The following POLN variants were observed in gnomAD, a reference collection of about 807,000 sequenced individuals.
POLN encodes DNA polymerase nu, also known as DNA polymerase N.
POLN carries 108 observed loss-of-function variants against 113.5 expected under a neutral mutation model. The observed-to-expected ratio is 0.95, with a 90% CI of 0.81 to 1.12. POLN has a LOEUF of 1.12. Among genes scored for constraint, POLN ranks in the 50% most tolerant of loss-of-function variants. The pLI, the probability that POLN is intolerant of heterozygous loss-of-function variation, is 0.00. For synonymous variants in POLN, 386 were observed against 391.5 expected, an observed-to-expected ratio of 0.99 and a Z score of 0.17; for missense variants, 1,097 against 1,077.1, an observed-to-expected ratio of 1.02 and a Z score of -0.26.
intron 3 of POLN, among the ~76,000 whole-genome samples, chr4:2,218,223 G>A (rs1034576334): frequency 6.6e-6 from 1 of 150,804 alleles, no homozygotes; most frequent in Non-Finnish European, 1.5e-5. Context: ...TCTAAGGTCG[G>A]GAGTTCGAGA....
At chr4:2,220,565 C>T (rs61792600) in intron 3 of POLN, among the ~76,000 whole-genome samples, 12,593 of 152,262 alleles carry the variant, frequency 0.083, 779 homozygotes, top group African/African-American at 0.16. Flanking sequence ...GGGGAGAGAC[C>T]CTGCTAAATT....
intron 17 of POLN, among the ~76,000 whole-genome samples, chr4:2,130,931 CT>C (rs1333662114): frequency 6.6e-6 from 1 of 152,190 alleles, no homozygotes; most frequent in Non-Finnish European, 1.5e-5. Flanking sequence ...AATCCCAGCA[CT>C]TTGGGAGGCC....
At chr4:2,132,071 C>G (rs1330313287) in intron 16 of POLN, among the ~76,000 whole-genome samples, 1 of 152,140 alleles carries the variant, frequency 6.6e-6, no homozygotes, top group African/African-American at 2.4e-5. Flanking sequence ...TTAGTTCCCC[C>G]TAGAAGCCCT....
intron 16 of POLN, among the ~76,000 whole-genome samples, chr4:2,133,749 C>T (rs569901832): frequency 6.6e-6 from 1 of 152,226 alleles, no homozygotes; most frequent in South Asian, 2.1e-4. Context: ...TCCCCCTGCC[C>T]CCCAACAACT....
At chr4:2,239,900 C>A in intron 2 of POLN, 2 of 678,712 alleles carry the variant, frequency 2.9e-6, no homozygotes, top group Non-Finnish European at 5.0e-6. Context: ...ACACAGATCA[C>A]AAATAAGCAC....
At chr4:2,146,086 T>C (rs1194004391) in intron 16 of POLN, among the ~76,000 whole-genome samples, 1 of 151,724 alleles carries the variant, frequency 6.6e-6, no homozygotes, top group Non-Finnish European at 1.5e-5. Flanking sequence ...TATATATATT[T>C]AAGAAAATAT....
At chr4:2,142,439 T>C (rs1448400576) in intron 16 of POLN, among the ~76,000 whole-genome samples, 1 of 152,232 alleles carries the variant, frequency 6.6e-6, no homozygotes, top group Non-Finnish European at 1.5e-5. Flanking sequence ...ATAAGGAGAC[T>C]TCTGCTTCCA....
chr4:2,074,361 G>A (rs749731744), intron 24 of POLN, among the ~76,000 whole-genome samples: 3 of 152,196 alleles, frequency 2.0e-5, no homozygotes, highest in African/African-American at 7.2e-5. Context: ...CTGGCCCCGA[G>A]TGCTCCTGAG....
rs145848257 is a variant in POLN at position 2,159,157 on chromosome 4, G to C, written c.1609C>G (p.Gln537Glu). ...TACGTACAAAAAAATTAACTTACCT[G>C]CCTGTATTCCAAAATTATCTTGGGT... is the stretch of plus-strand genomic sequence containing the variant. ...PLPKIILEYR[Q>E]VHKIKSTFVD... The change falls in exon 14 of 26, where the codon CAG becomes GAG. Residue 537 changes from glutamine to glutamate, a missense_variant and splice_region_variant. Coordinates refer to ENST00000511885, the MANE Select transcript of POLN (RefSeq NM_181808.4). 6.2e-7 allele frequency: 1 copy of C among 1,603,956 alleles called. No homozygotes were observed. Among genetic ancestry groups the C allele is most frequent in the Non-Finnish European group, 8.5e-7 (1 of 1,171,386 alleles).
intron 3 of POLN, among the ~76,000 whole-genome samples, chr4:2,215,628 G>C (rs938912613): frequency 1.3e-5 from 2 of 152,198 alleles, no homozygotes; most frequent in African/African-American, 4.8e-5. Context: ...GGCAATCAGG[G>C]AGGGGCTGTC....
intron 21 of POLN, among the ~76,000 whole-genome samples, chr4:2,084,607 G>T (rs1386910382): frequency 1.3e-5 from 2 of 152,266 alleles, no homozygotes; most frequent in Non-Finnish European, 2.9e-5. Flanking sequence ...GCCTGTAGCA[G>T]GGCTGCCTGG....
Position 2,174,059 on chromosome 4 carries a change from T to C in POLN, c.1310-40A>G, listed in dbSNP as rs759656289. ...CCAAACCAGATCATATTTGCATTAA[T>C]GTATTCTTTTTACTAAAGACTAAAA... On this transcript the variant is annotated intron_variant, in intron 10 of 25. Coordinates refer to ENST00000511885, the MANE Select transcript of POLN (RefSeq NM_181808.4). The C allele has an allele frequency of 3.1e-6, 5 of 1,596,562 alleles. No homozygotes were observed. The East Asian group carries it at 1.1e-4, about 36-fold the overall frequency.
chr4:2,098,009 C>T (rs1372545113), intron 19 of POLN, among the ~76,000 whole-genome samples: 1 of 152,186 alleles, frequency 6.6e-6, no homozygotes, highest in African/African-American at 2.4e-5. Context: ...TTCTAAGTAC[C>T]AATGCATTTC....
rs1734478364 is a variant in POLN at position 2,228,933 on chromosome 4, G to A, written c.133+166C>T. On this transcript the variant is annotated intron_variant, in intron 3 of 25. Transcript: ENST00000511885. ...ATTTTTAAAGCAATGAAGGTTAAGG[G>A]AACACGAAAGTTAGCAAGCAGAAGC... 2.8e-5 allele frequency: 15 copies of A among 534,280 alleles called. No individual in the cohort carries two copies. In the East Asian group the frequency reaches 4.7e-4, roughly 17 times the overall value. The allele number at this position is 534,280 out of a possible 1,614,324, so 33.1% of individuals were successfully genotyped here.
chr4:2,158,690 G>C (rs571138750), intron 14 of POLN, among the ~76,000 whole-genome samples: 1 of 152,210 alleles, frequency 6.6e-6, no homozygotes, highest in Non-Finnish European at 1.5e-5. Flanking sequence ...GGAAGGAAAT[G>C]GCAGGTGTGT....
At chr4:2,092,476 C>G (rs1021468741) in intron 20 of POLN, among the ~76,000 whole-genome samples, 1 of 152,164 alleles carries the variant, frequency 6.6e-6, no homozygotes, top group Non-Finnish European at 1.5e-5. Flanking sequence ...TGTGAGCCAG[C>G]CTCTGGGGTC....
At position 2,071,996 on chromosome 4, in the gene POLN, G is replaced by A. The variant is rs370818100; in HGVS notation, c.*118C>T. Reference sequence around the variant, plus strand: ...ACAGGCATTTACTCCAGGGGATGGCGGGCCACCCCAGCCCCAAAGGGTTAA... The same window carrying A: ...ACAGGCATTTACTCCAGGGGATGGCAGGCCACCCCAGCCCCAAAGGGTTAA... On this transcript the variant is annotated 3_prime_UTR_variant, in exon 26 of 26. Transcript: ENST00000511885. The surrounding 1 kb of genome is among the most constrained non-coding windows in gnomAD (Gnocchi z 5.2). 10 of 1,161,806 alleles carry A rather than the reference G, an allele frequency of 8.6e-6. No homozygotes were observed. The highest frequency in any genetic ancestry group is 4.5e-5 in the African/African-American group (3 of 66,172). The allele number at this position is 1,161,806 out of a possible 1,614,324, so 72.0% of individuals were successfully genotyped here.
intron 2 of POLN, chr4:2,239,159 T>G (rs916585372): frequency 5.6e-6 from 3 of 535,532 alleles, no homozygotes; most frequent in South Asian, 7.9e-5. Context: ...GAATGAAAAC[T>G]AATTTAATAT....
At chr4:2,099,706 G>T (rs2108703616) in intron 19 of POLN, among the ~76,000 whole-genome samples, 1 of 152,256 alleles carries the variant, frequency 6.6e-6, no homozygotes, top group African/African-American at 2.4e-5. Flanking sequence ...CCAGTATTGG[G>T]TTCATTCATT....
Sources: gnomAD v4.1 joint callset for allele counts (sites outside exome capture counted in the v4.1 genomes callset) on GRCh38, gnomAD v4.1.1 for gene constraint, Gnocchi (gnomAD v3.1) non-coding constraint, MANE v1.5 for transcripts, NCBI Gene and HGNC (gene_info 2026-07-23, HGNC 2026-07-21) for gene names.